Variants in GORAB observed in about 807,000 individuals in gnomAD.
GORAB encodes the protein golgin, RAB6 interacting.
A neutral mutation model predicts 29.9 loss-of-function variants in GORAB; 17 were observed. That is an observed-to-expected ratio of 0.57 (90% CI 0.39 to 0.85). The LOEUF is 0.85. GORAB is among the 40% of genes least tolerant of loss of function. The pLI, the probability that GORAB is intolerant of heterozygous loss-of-function variation, is 0.00. For synonymous variants in GORAB, 183 were observed against 157.2 expected (o/e 1.16, Z -1.23); for missense variants, 442 against 437.8 (o/e 1.01, Z -0.09).
chr1:170,550,556 C>T (rs1234407726), intron 4 of GORAB, among the ~76,000 whole-genome samples: 1 of 152,168 alleles, frequency 6.6e-6, no homozygotes, highest in Non-Finnish European at 1.5e-5. Context: ...CCACAAGAAG[C>T]CTTGACCGAA....
At chr1:170,540,456 T>C (rs1013941648) in intron 2 of GORAB, among the ~76,000 whole-genome samples, 4 of 152,106 alleles carry the variant, frequency 2.6e-5, no homozygotes, top group African/African-American at 7.2e-5. Flanking sequence ...TTTTTTTTTT[T>C]CTAATCTCTG....
intron 4 of GORAB, among the ~76,000 whole-genome samples, chr1:170,550,967 T>A (rs1308682922): frequency 6.6e-6 from 1 of 152,220 alleles, no homozygotes; most frequent in Non-Finnish European, 1.5e-5. Context: ...AAAAGTGAGA[T>A]TGCAAGGTGA....
intron 2 of GORAB, among the ~76,000 whole-genome samples, chr1:170,539,855 A>G (rs1176636163): frequency 2.0e-5 from 3 of 152,122 alleles, no homozygotes; most frequent in African/African-American, 7.2e-5. Context: ...AAAAGATGAT[A>G]CCTTTCTAAA....
intron 4 of GORAB, among the ~76,000 whole-genome samples, chr1:170,547,636 T>C (rs540982969): frequency 1.3e-5 from 2 of 152,310 alleles, no homozygotes; most frequent in Non-Finnish European, 2.9e-5. Flanking sequence ...TTAAATCACT[T>C]TATGAGTAAT....
chr1:170,542,628 C>G, intron 3 of GORAB, 36 bp downstream of exon 3: 2 of 1,303,218 alleles, frequency 1.5e-6, no homozygotes, highest in Non-Finnish European at 2.2e-6. Context: ...TGTTTGTAAC[C>G]TGTAACCAGT....
Position 170,532,276 on chromosome 1 carries a change from A to C in GORAB, c.53A>C (p.Gln18Pro), listed in dbSNP as rs1454057165. The change falls in exon 1 of 5, where the codon CAG (glutamine) becomes CCG (proline). Residue 18 changes from glutamine to proline, a missense_variant. Coordinates refer to ENST00000367763, the MANE Select transcript of GORAB (RefSeq NM_152281.3). ...GAGGAGGAACTGAGGAGACTAAAGCAGACTAAAGGTTACAAGATGGGTTTA... is the reference window on the plus strand; with the variant it reads ...GAGGAGGAACTGAGGAGACTAAAGCCGACTAAAGGTTACAAGATGGGTTTA... ...FSEEELRRLK[Q>P]TKDPFEPQRR... 6.2e-7 allele frequency: 1 copy of C among 1,614,136 alleles called. No homozygotes were observed. Among genetic ancestry groups the C allele is most frequent in the East Asian group, 2.2e-5 (1 of 44,880 alleles).
chr1:170,544,841 G>T lies in GORAB; in HGVS notation c.658G>T (p.Ala220Ser), dbSNP rs183596463. 6.2e-7 allele frequency: 1 copy of T among 1,607,962 alleles called. No homozygotes were observed. Among genetic ancestry groups the T allele is most frequent in the Non-Finnish European group, 8.5e-7 (1 of 1,175,058 alleles). ...TCAGGCCAGCTTAGACTATTCATAC[G>T]CTCGGTGAGTTGGGGAAATTGAATC... ...IDQASLDYSY[A>S]RKRFDRAEAE... Residue 220 changes from alanine (A) to serine (S), a missense_variant, in exon 4 of 5, where the codon GCT becomes TCT. Transcript: ENST00000367763.
rs1461636826 is a variant in GORAB, at chr1:170,542,842, G to A, written c.521+250G>A. ...GTTGCAGTTTTAAAGACCTTCATTA[G>A]TGCTCCCAGTTTTAACCATCTACAC... On this transcript the variant is annotated intron_variant, in intron 3 of 4. Transcript: ENST00000367763. Among the ~76,000 whole-genome samples the A allele has an allele frequency of 2.0e-5, 3 of 152,076 alleles. No individual in the cohort carries two copies. In the East Asian group the frequency reaches 5.8e-4, roughly 29 times the overall value.
Position 170,552,015 on chromosome 1 carries a change from G to A in GORAB, c.663G>A (p.Arg221=), listed in dbSNP as rs747506136. Residue 221 remains arginine (R), a splice_region_variant and synonymous_variant, in exon 5 of 5, where the codon CGG becomes CGA. Coordinates refer to ENST00000367763, the MANE Select transcript of GORAB (RefSeq NM_152281.3). Reference sequence around the variant, plus strand: ...CCTATCTTTATACACATCCTTACAGGAAGCGGTTTGACAGGGCTGAAGCAG... The same window carrying A: ...CCTATCTTTATACACATCCTTACAGAAAGCGGTTTGACAGGGCTGAAGCAG... ...DQASLDYSYA[R]KRFDRAEAEY... 6.2e-7 allele frequency: 1 copy of A among 1,613,294 alleles called. No homozygotes were observed. The highest frequency in any genetic ancestry group is 8.5e-7 in the Non-Finnish European group (1 of 1,179,452).
At chr1:170,532,472 G>A (rs1395332026) in intron 1 of GORAB, 188 bp downstream of exon 1, 2 of 635,870 alleles carry the variant, frequency 3.1e-6, no homozygotes, top group East Asian at 5.6e-5. Flanking sequence ...GGAGGGGCAA[G>A]CCAGAGGACT....
chr1:170,547,511 C>T (rs1649837974), intron 4 of GORAB, among the ~76,000 whole-genome samples: 1 of 152,134 alleles, frequency 6.6e-6, no homozygotes, highest in Non-Finnish European at 1.5e-5. Flanking sequence ...CTGTGCAGAC[C>T]AGTTTATAAA....
At chr1:170,544,127 A>G (rs553429423) in intron 3 of GORAB, among the ~76,000 whole-genome samples, 1 of 152,212 alleles carries the variant, frequency 6.6e-6, no homozygotes, top group Non-Finnish European at 1.5e-5. Flanking sequence ...TTAAATAAGG[A>G]AAATGAGTGT....
At chr1:170,539,649 G>C in intron 2 of GORAB, 82 bp downstream of exon 2, 3 of 1,442,722 alleles carry the variant, frequency 2.1e-6, no homozygotes, top group Non-Finnish European at 2.8e-6. Flanking sequence ...AATATAATTT[G>C]TTTATTTTAA....
At chr1:170,539,066 T>C (rs1649228796) in intron 1 of GORAB, 144 bp from the exon 2 acceptor site, 2 of 975,640 alleles carry the variant, frequency 2.0e-6, no homozygotes, top group East Asian at 2.6e-5. Flanking sequence ...ATGGCTGTTT[T>C]TCCCCTAGAC....
intron 4 of GORAB, chr1:170,545,376 CTT>C (rs200888545): frequency 4.2e-6 from 4 of 950,538 alleles, no homozygotes; most frequent in Non-Finnish European, 3.8e-6. Context: ...AATATTTTCT[CTT>C]TTTTTTTCCT....
chr1:170,532,208 C>G lies in GORAB; in HGVS notation c.-16C>G, dbSNP rs1262216704. 6.2e-7 allele frequency: 1 copy of G among 1,613,776 alleles called. No homozygotes were observed. Among genetic ancestry groups the G allele is most frequent in the African/African-American group, 1.3e-5 (1 of 74,870 alleles). On this transcript the variant is annotated 5_prime_UTR_variant, in exon 1 of 5. Coordinates refer to ENST00000367763, the MANE Select transcript of GORAB (RefSeq NM_152281.3). ...CGAGATTTGGGCACTTTTGGGGGTG[C>G]CGGTGGCCCGGGCCGATGGCGCAAG...
At chr1:170,533,675 T>C (rs994845092) in intron 1 of GORAB, 4 of 402,300 alleles carry the variant, frequency 9.9e-6, no homozygotes, top group Admixed American at 5.1e-5. Context: ...AATATAAAAA[T>C]CTAAATTAAA....
At chr1:170,542,311 A>G (rs1443325454) in intron 2 of GORAB, among the ~76,000 whole-genome samples, 180 bp from the exon 3 acceptor site, 1 of 152,174 alleles carries the variant, frequency 6.6e-6, no homozygotes, top group African/African-American at 2.4e-5. Flanking sequence ...CTTTGTTCCC[A>G]TTAGAGCAAA....
At chr1:170,543,163 C>CT (rs1571250431) in intron 3 of GORAB, among the ~76,000 whole-genome samples, 1 of 152,186 alleles carries the variant, frequency 6.6e-6, no homozygotes, top group Non-Finnish European at 1.5e-5. Context: ...CTTCCAGTGT[C>CT]TATCAGCAGC....
Sources: allele counts gnomAD v4.1 joint callset (sites outside exome capture counted in the v4.1 genomes callset), GRCh38; gene constraint gnomAD v4.1.1; transcripts MANE v1.5; gene names NCBI Gene and HGNC (gene_info 2026-07-23, HGNC 2026-07-21).